The following ERICH6B variants were observed in gnomAD, a reference collection of about 807,000 sequenced individuals.
ERICH6B encodes the protein glutamate-rich protein 6B.
ERICH6B carries 69 observed loss-of-function variants against 80.0 expected under a neutral mutation model. The observed-to-expected ratio is 0.86, with a 90% confidence interval of 0.71 to 1.05. The LOEUF is 1.05. Ranked by LOEUF, ERICH6B falls within the 50% of genes least tolerant of loss-of-function variation. The pLI is 0.00. For missense variants in ERICH6B, 754 were observed against 796.1 expected, an observed-to-expected ratio of 0.95 and a Z score of 0.64; for synonymous variants, 283 against 291.9, an observed-to-expected ratio of 0.97 and a Z score of 0.31.
Position 45,612,655 on chromosome 13 carries a change from C to G in ERICH6B, c.-111+3030G>C, listed in dbSNP as rs559274296. 3.9e-5 allele frequency among the ~76,000 whole-genome samples: 6 copies of G among 152,320 alleles called. No homozygotes were observed. The South Asian group carries it at 1.2e-3, about 32-fold the overall frequency. On this transcript the variant is annotated intron_variant, in intron 1 of 14. Coordinates refer to ENST00000298738, the MANE Select transcript of ERICH6B (RefSeq NM_182542.3). ...TGACAGCCTTTTCTCCTCCCTCCTACCTGCCTAGCCAGCAGGGCTCTTCCT... is the reference window on the plus strand; with the variant it reads ...TGACAGCCTTTTCTCCTCCCTCCTAGCTGCCTAGCCAGCAGGGCTCTTCCT...
intron 2 of ERICH6B, among the ~76,000 whole-genome samples, chr13:45,602,947 A>G (rs1335363990): frequency 2.0e-5 from 3 of 152,194 alleles, no homozygotes; most frequent in African/African-American, 7.2e-5. Context: ...TGGCTCACAC[A>G]ATTTTGGAGG....
At chr13:45,546,589 G>C (rs1456588409) in intron 13 of ERICH6B, among the ~76,000 whole-genome samples, 2 of 152,160 alleles carry the variant, frequency 1.3e-5, no homozygotes, top group African/African-American at 4.8e-5. Flanking sequence ...TTTTCCCCAA[G>C]ACGTAGGCCC....
intron 1 of ERICH6B, among the ~76,000 whole-genome samples, chr13:45,614,269 G>A (rs1002113631): frequency 4.6e-5 from 7 of 152,058 alleles, no homozygotes; most frequent in African/African-American, 4.8e-5. Flanking sequence ...AAGTCACCTC[G>A]TCTGGGAAGA....
intron 3 of ERICH6B, among the ~76,000 whole-genome samples, chr13:45,591,069 C>A (rs1208852712): frequency 6.6e-6 from 1 of 152,174 alleles, no homozygotes; most frequent in Non-Finnish European, 1.5e-5. Flanking sequence ...AAAGGACCTG[C>A]TTGTGTCACG....
intron 4 of ERICH6B, among the ~76,000 whole-genome samples, chr13:45,589,904 G>A (rs925826594): frequency 6.6e-6 from 1 of 152,200 alleles, no homozygotes; most frequent in African/African-American, 2.4e-5. Flanking sequence ...GGGCTGGAGG[G>A]GGGCTGCCTC....
chr13:45,592,442 G>T (rs1385805263), intron 3 of ERICH6B, among the ~76,000 whole-genome samples: 2 of 152,152 alleles, frequency 1.3e-5, no homozygotes, highest in African/African-American at 4.8e-5. Flanking sequence ...TTCCAGAATT[G>T]CTAGGTTCCC....
At chr13:45,547,472 G>A (rs763469939) in intron 13 of ERICH6B, among the ~76,000 whole-genome samples, 2 of 152,154 alleles carry the variant, frequency 1.3e-5, no homozygotes, top group Non-Finnish European at 2.9e-5. Flanking sequence ...GACCCAAGAA[G>A]CTCCTATTTC....
At chr13:45,580,752 T>A (rs1020737939) in intron 5 of ERICH6B, 87 bp from the exon 6 acceptor site, 20 of 1,378,442 alleles carry the variant, frequency 1.5e-5, no homozygotes, top group Admixed American at 6.1e-5. Flanking sequence ...GGGTCCCAGG[T>A]TCTTTCTTGG....
chr13:45,609,472 T>G (rs1949887485), intron 1 of ERICH6B, among the ~76,000 whole-genome samples: 1 of 152,236 alleles, frequency 6.6e-6, no homozygotes, highest in African/African-American at 2.4e-5. Flanking sequence ...CTACATGTAT[T>G]ATCATGTTGT....
rs1004271013 is a variant in ERICH6B at position 45,561,509 on chromosome 13, T to C, written c.1267A>G (p.Met423Val). ...RRREAQKLTE[M>V]TSFTFHLMSK... is the part of the protein sequence containing the mutation. ...ATTAAATGAAATGTGAAACTGGTCA[T>C]CTCTGTTAACTTTTGAGCTGCCATT... The change falls in exon 11 of 15, where the codon ATG (methionine) becomes GTG (valine). Residue 423 changes from methionine to valine, a missense_variant. Physicochemically the swap from Met to Val is conservative, Grantham distance 21. Coordinates refer to ENST00000298738, the MANE Select transcript of ERICH6B (RefSeq NM_182542.3). 6 of 1,551,724 alleles carry C rather than the reference T, an allele frequency of 3.9e-6. No individual in the cohort carries two copies. Among genetic ancestry groups the C allele is most frequent in the Non-Finnish European group, 4.4e-6 (5 of 1,146,996 alleles).
intron 14 of ERICH6B, 112 bp from the exon 15 acceptor site, chr13:45,541,792 C>G: frequency 1.1e-6 from 1 of 919,400 alleles, no homozygotes; most frequent in South Asian, 1.6e-5. Context: ...AGCCTTCACT[C>G]GAGAAAGCAC....
intron 1 of ERICH6B, among the ~76,000 whole-genome samples, chr13:45,614,443 A>G (rs1286505080): frequency 6.6e-6 from 1 of 152,168 alleles, no homozygotes; most frequent in African/African-American, 2.4e-5. Flanking sequence ...ATGTGGATCG[A>G]ATGGATGATC....
intron 2 of ERICH6B, among the ~76,000 whole-genome samples, chr13:45,601,583 C>T (rs17066959): frequency 0.04 from 6,109 of 152,178 alleles, 130 homozygotes; most frequent in South Asian, 0.047. Flanking sequence ...CAAAATCAGC[C>T]GGTCCCCTGG....
At chr13:45,569,446 G>A (rs1566292855) in intron 8 of ERICH6B, among the ~76,000 whole-genome samples, 2 of 152,282 alleles carry the variant, frequency 1.3e-5, no homozygotes, top group East Asian at 3.9e-4. Context: ...TTTTTATTTG[G>A]CCAGTTTGAT....
intron 8 of ERICH6B, among the ~76,000 whole-genome samples, chr13:45,573,031 G>A (rs1875239997): frequency 6.6e-6 from 1 of 152,104 alleles, no homozygotes; most frequent in African/African-American, 2.4e-5. Context: ...AGGGAAATTT[G>A]TCAGTGCTTT....
chr13:45,547,866 C>T (rs1041218689), intron 13 of ERICH6B, among the ~76,000 whole-genome samples: 1 of 152,180 alleles, frequency 6.6e-6, no homozygotes, highest in African/African-American at 2.4e-5. Context: ...CTAGGCCACC[C>T]CCCACTCCCT....
intron 8 of ERICH6B, among the ~76,000 whole-genome samples, chr13:45,574,448 C>G (rs2137992933): frequency 6.6e-6 from 1 of 152,288 alleles, no homozygotes; most frequent in Admixed American, 6.5e-5. Context: ...TTGGGAACAG[C>G]TGGGGAGAGC....
intron 5 of ERICH6B, among the ~76,000 whole-genome samples, chr13:45,584,691 G>A (rs1158251404): frequency 6.6e-6 from 1 of 152,148 alleles, no homozygotes; most frequent in African/African-American, 2.4e-5. Context: ...GGGCCTCCTG[G>A]AGCAGCAGTG....
intron 11 of ERICH6B, among the ~76,000 whole-genome samples, chr13:45,550,529 A>T (rs1185845747): frequency 1.3e-5 from 2 of 151,896 alleles, no homozygotes; most frequent in African/African-American, 4.8e-5. Flanking sequence ...TTAAACTGTC[A>T]TTTCAATCAC....
Sources: gnomAD v4.1 joint callset for allele counts (sites outside exome capture counted in the v4.1 genomes callset) on GRCh38, gnomAD v4.1.1 for gene constraint, MANE v1.5 for transcripts, NCBI Gene and HGNC (gene_info 2026-07-23, HGNC 2026-07-21) for gene names.